The following SCAPER variants were observed in gnomAD, a reference collection of about 807,000 sequenced individuals.
The protein encoded by SCAPER is S phase cyclin A-associated protein in the endoplasmic reticulum.
In SCAPER, 98 loss-of-function variants were observed where a neutral mutation model predicts 182.2. The ratio of observed to expected loss-of-function variants is 0.54; its 90% CI spans 0.46 to 0.64. SCAPER has a LOEUF of 0.64. SCAPER is among the 30% of genes least tolerant of loss of function. The pLI, the probability that SCAPER is intolerant of heterozygous loss-of-function variation, is 0.00. For missense variants in SCAPER, 1,432 were observed against 1,690.0 expected, an observed-to-expected ratio of 0.85 and a Z score of 2.68; for synonymous variants, 605 against 564.6, an observed-to-expected ratio of 1.07 and a Z score of -1.01.
At chr15:76,818,482 G>C (rs1242519359) in intron 5 of SCAPER, among the ~76,000 whole-genome samples, 1 of 152,102 alleles carries the variant, frequency 6.6e-6, no homozygotes, top group East Asian at 1.9e-4. Flanking sequence ...CTTCTGCTCT[G>C]CAAAAAACAA....
At chr15:76,380,852 C>G (rs2042896441) in intron 28 of SCAPER, 1 of 152,426 alleles carries the variant, frequency 6.6e-6, no homozygotes, top group African/African-American at 2.4e-5. Context: ...TAGTTATACA[C>G]TTTACATTGG....
chr15:76,589,319 G>T (rs963222224), intron 22 of SCAPER, among the ~76,000 whole-genome samples: 5 of 152,124 alleles, frequency 3.3e-5, no homozygotes, highest in African/African-American at 1.2e-4. Context: ...ACCAGGGTGG[G>T]TAGTGAAGAA....
chr15:76,520,094 G>A (rs1020173216), intron 23 of SCAPER, among the ~76,000 whole-genome samples: 2 of 152,142 alleles, frequency 1.3e-5, no homozygotes, highest in Non-Finnish European at 2.9e-5. Flanking sequence ...CCTCTAGATT[G>A]TGTTTAGTCT....
intron 17 of SCAPER, among the ~76,000 whole-genome samples, chr15:76,712,179 T>A (rs371052026): frequency 3.9e-5 from 6 of 152,254 alleles, no homozygotes; most frequent in Admixed American, 1.3e-4. Context: ...TCCCAGCACC[T>A]TTTATTAAAT....
At chr15:76,903,474 G>C (rs2074910938) in intron 1 of SCAPER, among the ~76,000 whole-genome samples, 1 of 152,148 alleles carries the variant, frequency 6.6e-6, no homozygotes, top group Non-Finnish European at 1.5e-5. Context: ...TAATGAATGG[G>C]ATAAATTCCC....
At chr15:76,466,124 G>A (rs2049595066) in intron 25 of SCAPER, among the ~76,000 whole-genome samples, 1 of 151,968 alleles carries the variant, frequency 6.6e-6, no homozygotes, top group Admixed American at 6.6e-5. Flanking sequence ...CCAGATTTGG[G>A]AAGTTTTGGG....
intron 5 of SCAPER, among the ~76,000 whole-genome samples, chr15:76,835,979 G>A (rs1036566554): frequency 6.7e-6 from 1 of 148,456 alleles, no homozygotes; most frequent in African/African-American, 2.5e-5. Context: ...TCACCAGGGA[G>A]GTGAAAGACC....
In SCAPER at chr15:76,584,980, G is replaced by A. The variant is rs945522278; in HGVS notation, c.2712-10696C>T. On this transcript the variant is annotated intron_variant, in intron 22 of 31. Coordinates refer to ENST00000563290, the MANE Select transcript of SCAPER (RefSeq NM_020843.4). The stretch of plus-strand genomic sequence containing the variant: ...AACAAATGCCACTCAAAAAGGCACT[G>A]GTGAACTTCAGTTTAAGCCTCAGCT... Among the ~76,000 whole-genome samples, 28 of 152,150 alleles carry A rather than the reference G, an allele frequency of 1.8e-4. 1 individual carries two copies. Among genetic ancestry groups the A allele is most frequent in the African/African-American group, 6.8e-4 (28 of 41,430 alleles).
At chr15:76,406,639 C>T (rs1220165002) in intron 26 of SCAPER, among the ~76,000 whole-genome samples, 2 of 151,952 alleles carry the variant, frequency 1.3e-5, no homozygotes, top group African/African-American at 2.4e-5. Flanking sequence ...CACACACACA[C>T]ACACACACAC....
chr15:76,412,850 T>C (rs1002798062), intron 26 of SCAPER, among the ~76,000 whole-genome samples: 19 of 152,200 alleles, frequency 1.2e-4, no homozygotes, highest in African/African-American at 4.6e-4. Context: ...TTTACCAATA[T>C]TGAGTCTTCT....
chr15:76,703,542 C>G (rs1312191667), intron 18 of SCAPER, among the ~76,000 whole-genome samples: 3 of 152,148 alleles, frequency 2.0e-5, no homozygotes, highest in African/African-American at 7.2e-5. Context: ...GGAAAAAACG[C>G]TATTTCAGAC....
chr15:76,571,551 A>C (rs577868050), intron 23 of SCAPER, among the ~76,000 whole-genome samples: 1 of 152,188 alleles, frequency 6.6e-6, no homozygotes, highest in Non-Finnish European at 1.5e-5. Flanking sequence ...GTTAGGTCTA[A>C]AATAGTTCTC....
At chr15:76,835,595 A>G (rs2068859327) in intron 5 of SCAPER, among the ~76,000 whole-genome samples, 1 of 152,202 alleles carries the variant, frequency 6.6e-6, no homozygotes, top group Non-Finnish European at 1.5e-5. Flanking sequence ...ATCATACTGA[A>G]TGGGCAAATG....
At chr15:76,672,512 A>T (rs2057095730) in intron 20 of SCAPER, among the ~76,000 whole-genome samples, 1 of 152,150 alleles carries the variant, frequency 6.6e-6, no homozygotes, top group South Asian at 2.1e-4. Context: ...CTATCTTAAA[A>T]ACTCAATAAT....
rs140670536 is a variant in SCAPER, at chr15:76,475,698, C to G, written c.2955-4363G>C. On this transcript the variant is annotated intron_variant, in intron 24 of 31. Coordinates refer to ENST00000563290, the MANE Select transcript of SCAPER (RefSeq NM_020843.4). ...GCTTGAACCAAAGAACAGATAAAAT[C>G]AGAGTTGCTCTGGCTGAAGCAGAAG... is the stretch of plus-strand genomic sequence containing the variant. 1.5e-3 allele frequency among the ~76,000 whole-genome samples: 221 copies of G among 152,274 alleles called. 2 individuals carry two copies. The highest frequency in any genetic ancestry group is 4.8e-3 in the African/African-American group (200 of 41,560).
chr15:76,567,088 TC>T (rs2047088625), intron 23 of SCAPER, among the ~76,000 whole-genome samples: 1 of 152,126 alleles, frequency 6.6e-6, no homozygotes, highest in Non-Finnish European at 1.5e-5. Flanking sequence ...ATGTGTATAT[TC>T]CAAAACAATA....
At position 76,876,117 on chromosome 15, in the gene SCAPER, C is replaced by T. The variant is rs1290202696; in HGVS notation, c.6+7695G>A. 2.0e-5 allele frequency among the ~76,000 whole-genome samples: 3 copies of T among 152,318 alleles called. No individual in the cohort carries two copies. In the East Asian group the frequency reaches 5.8e-4, roughly 29 times the overall value. On this transcript the variant is annotated intron_variant, in intron 2 of 31. Coordinates refer to ENST00000563290, the MANE Select transcript of SCAPER (RefSeq NM_020843.4). ...CGGGGCCACTCCGAGTACAGGAGCC[C>T]GCCAAGCCCACGCCCATCAGGAACT...
chr15:76,745,927 AC>A (rs1347039355), intron 15 of SCAPER, among the ~76,000 whole-genome samples: 1 of 152,206 alleles, frequency 6.6e-6, no homozygotes, highest in East Asian at 1.9e-4. Flanking sequence ...TCCCTCGAAA[AC>A]AAAAAGATAA....
intron 17 of SCAPER, among the ~76,000 whole-genome samples, chr15:76,722,081 ATTATT>A (rs919818997): frequency 5.9e-5 from 9 of 152,122 alleles, no homozygotes; most frequent in Non-Finnish European, 1.5e-5. Flanking sequence ...GATAGCTCTT[ATTATT>A]TTGAGATTTG....
Sources: gnomAD v4.1 joint callset for allele counts (sites outside exome capture counted in the v4.1 genomes callset) on GRCh38, gnomAD v4.1.1 for gene constraint, MANE v1.5 for transcripts, NCBI Gene and HGNC (gene_info 2026-07-23, HGNC 2026-07-21) for gene names.